Variants in CSNK2A2 observed in about 807,000 individuals in gnomAD.
CSNK2A2 encodes the protein casein kinase II subunit alpha'.
Under a neutral mutation model 54.0 loss-of-function variants are expected in CSNK2A2, and 8 were observed. The observed-to-expected ratio is 0.15, with a 90% CI of 0.09 to 0.27. CSNK2A2 has a LOEUF of 0.27. CSNK2A2 is among the 10% of genes least tolerant of loss of function. The probability of loss-of-function intolerance (pLI) is 1.00; values close to 1 mark genes in which losing one functional copy is unlikely to be tolerated. For missense variants in CSNK2A2, 242 were observed against 439.4 expected, an observed-to-expected ratio of 0.55 and a Z score of 4.02; for synonymous variants, 141 against 153.9, an observed-to-expected ratio of 0.92 and a Z score of 0.62.
intron 8 of CSNK2A2, among the ~76,000 whole-genome samples, 161 bp downstream of exon 8, chr16:58,167,046 C>T (rs895346139): frequency 1.3e-5 from 2 of 152,178 alleles, no homozygotes; most frequent in African/African-American, 4.8e-5. Flanking sequence ...CTTCTGCGGA[C>T]CTGGTAAACA....
At chr16:58,176,023 G>A (rs1188258128) in intron 4 of CSNK2A2, among the ~76,000 whole-genome samples, 2 of 152,188 alleles carry the variant, frequency 1.3e-5, no homozygotes, top group Admixed American at 1.3e-4. Context: ...AGGCTTCTTA[G>A]CCAGGACTTG....
chr16:58,171,205 C>A (rs1193476771), intron 5 of CSNK2A2, among the ~76,000 whole-genome samples: 1 of 152,118 alleles, frequency 6.6e-6, no homozygotes, highest in Non-Finnish European at 1.5e-5. Context: ...CTGTGCTTTT[C>A]CCTGAACCAA....
chr16:58,179,451 A>C (rs1212859492), intron 4 of CSNK2A2, among the ~76,000 whole-genome samples: 1 of 151,910 alleles, frequency 6.6e-6, no homozygotes, highest in Non-Finnish European at 1.5e-5. Context: ...CAGTGAGCCA[A>C]GATCAGGTCA....
At chr16:58,184,206 C>T (rs1420684081) in intron 4 of CSNK2A2, 54 bp downstream of exon 4, 28 of 1,406,810 alleles carry the variant, frequency 2.0e-5, no homozygotes, top group Non-Finnish European at 2.6e-5. Context: ...CAGTATTTAT[C>T]ACCAGCTCCC....
intron 9 of CSNK2A2, 101 bp downstream of exon 9, chr16:58,166,482 CA>C: frequency 1.4e-6 from 1 of 704,266 alleles, no homozygotes; most frequent in East Asian, 2.6e-5. Context: ...GGGCTACTTC[CA>C]TTTTACTATA....
intron 4 of CSNK2A2, among the ~76,000 whole-genome samples, chr16:58,176,803 G>C (rs965355141): frequency 6.6e-6 from 1 of 152,176 alleles, no homozygotes; most frequent in African/African-American, 2.4e-5. Context: ...ACACCATTAA[G>C]AACACAATGT....
intron 4 of CSNK2A2, 80 bp downstream of exon 4, chr16:58,184,180 T>C: frequency 9.1e-7 from 1 of 1,100,230 alleles, no homozygotes; most frequent in Non-Finnish European, 1.3e-6. Flanking sequence ...CCTGGCCCCT[T>C]GGGTTCTGGA....
chr16:58,175,013 CT>C (rs1467603842), intron 4 of CSNK2A2, among the ~76,000 whole-genome samples: 5 of 152,152 alleles, frequency 3.3e-5, no homozygotes, highest in Non-Finnish European at 4.4e-5. Context: ...AAAGGAGGTG[CT>C]ATAGCATTTG....
chr16:58,163,277 A>G (rs1327168138), intron 11 of CSNK2A2: 7 of 147,346 alleles, frequency 4.8e-5, no homozygotes, highest in Non-Finnish European at 1.1e-4. Context: ...AAAAAAAAAA[A>G]GAAAAAGCAA....
intron 2 of CSNK2A2, among the ~76,000 whole-genome samples, chr16:58,193,412 A>C (rs1414340341): frequency 6.6e-6 from 1 of 152,246 alleles, no homozygotes. Context: ...CTTTGTTTAA[A>C]GCTAAATAAT....
intron 8 of CSNK2A2, 49 bp from the exon 9 acceptor site, chr16:58,166,733 T>A (rs768598573): frequency 7.7e-7 from 1 of 1,303,000 alleles, no homozygotes; most frequent in Non-Finnish European, 1.1e-6. Context: ...GAACACACCA[T>A]GAGCCCGTGA....
chr16:58,168,598 C>A lies in CSNK2A2; in HGVS notation c.513+12G>T, dbSNP rs1210526498. On this transcript the variant is annotated intron_variant, in intron 6 of 11. Transcript: ENST00000262506. ...TTTAATCAAGCTTGTTGCTGCCTGG[C>A]TGTAATGGTACCTTTTTCTGTTGGT... The A allele has an allele frequency of 6.2e-7, 1 of 1,610,646 alleles. No individual in the cohort carries two copies. The highest frequency in any genetic ancestry group is 1.3e-5 in the African/African-American group (1 of 74,846).
intron 4 of CSNK2A2, among the ~76,000 whole-genome samples, chr16:58,182,488 G>GAGGTTGC (rs1432492034): frequency 6.7e-6 from 1 of 149,586 alleles, no homozygotes; most frequent in African/African-American, 2.5e-5. Flanking sequence ...CTGGGAGGGG[G>GAGGTTGC]AGGTTGCAGT....
intron 2 of CSNK2A2, among the ~76,000 whole-genome samples, chr16:58,193,208 G>A (rs1170899571): frequency 3.3e-5 from 5 of 152,210 alleles, no homozygotes; most frequent in Middle Eastern, 3.4e-3. Flanking sequence ...TACCACAGGA[G>A]AAATAAAGAG....
intron 10 of CSNK2A2, among the ~76,000 whole-genome samples, chr16:58,164,798 G>A (rs1331536517): frequency 6.6e-6 from 1 of 152,202 alleles, no homozygotes; most frequent in East Asian, 1.9e-4. Context: ...CAAGACTACA[G>A]CGACACATTC....
At position 58,168,625 on chromosome 16, in the gene CSNK2A2, A is replaced by T; in HGVS notation, c.498T>A (p.Asp166Glu). 1 of 1,613,802 alleles carries T rather than the reference A, an allele frequency of 6.2e-7. No homozygotes were observed. The highest frequency in any genetic ancestry group is 8.5e-7 in the Non-Finnish European group (1 of 1,179,802). ...GTAATGGTACCTTTTTCTGTTGGTG[A>T]TCTATCATGACATTGTGAGGTTTCA... The part of the protein sequence containing the change: ...RDVKPHNVMI[D>E]HQQKKLRLID... The change falls in exon 6 of 12, where the codon GAT becomes GAA. Residue 166 changes from aspartate (D) to glutamate (E), a missense_variant. This residue lies in a region of CSNK2A2 where 40 missense variants were observed against 128.7 expected (regional missense o/e 0.31). Transcript: ENST00000262506.
In CSNK2A2 at chr16:58,168,698, T is replaced by C. The variant is rs1567464707; in HGVS notation, c.430-5A>G. 3 of 1,611,918 alleles carry C rather than the reference T, an allele frequency of 1.9e-6. No individual in the cohort carries two copies. Among genetic ancestry groups the C allele is most frequent in the East Asian group, 2.2e-5 (1 of 44,838 alleles). ...GCTGTGGCAGTAATCCAGAGCCTAT[T>C]AGGTAAGAAAGCACAGATAATAGTA... is the stretch of plus-strand genomic sequence containing the variant. On this transcript the variant is annotated splice_region_variant and splice_polypyrimidine_tract_variant and intron_variant, in intron 5 of 11. Coordinates refer to ENST00000262506, the MANE Select transcript of CSNK2A2 (RefSeq NM_001896.4).
chr16:58,197,775 TGGCGGC>T lies in CSNK2A2; in HGVS notation c.-45_-40del, dbSNP rs1036862388. The stretch of plus-strand genomic sequence containing the variant: ...GGGGGGCGGCGCGGGGCGCAGAGGG[TGGCGGC>T]GGCGGCGCGGCGGGGGACGCGGGGC... On this transcript the variant is annotated 5_prime_UTR_variant, in exon 1 of 12. Transcript: ENST00000262506. This position sits in a 1 kb window ranked among gnomAD's most constrained non-coding sequence, Gnocchi z 4.0. 1.4e-6 allele frequency: 1 copy of T among 694,264 alleles called. No homozygotes were observed. Among genetic ancestry groups the T allele is most frequent in the Non-Finnish European group, 1.8e-6 (1 of 563,688 alleles). 43.0% of individuals were successfully genotyped at this position (694,264 alleles called of 1,614,324 possible).
At chr16:58,188,270 T>A (rs1178159808) in intron 2 of CSNK2A2, among the ~76,000 whole-genome samples, 2 of 152,226 alleles carry the variant, frequency 1.3e-5, no homozygotes, top group Non-Finnish European at 2.9e-5. Context: ...CCGCCCGCTG[T>A]GCCAGGGTTC....
Sources: gnomAD v4.1 joint callset for allele counts (sites outside exome capture counted in the v4.1 genomes callset) on GRCh38, gnomAD v4.1.1 for gene constraint, gnomAD v4.1.1 regional missense constraint, Gnocchi (gnomAD v3.1) non-coding constraint, MANE v1.5 for transcripts, NCBI Gene and HGNC (gene_info 2026-07-23, HGNC 2026-07-21) for gene names.